The following SCNN1B variants were observed in gnomAD, a reference collection of about 807,000 sequenced individuals.
SCNN1B encodes sodium channel epithelial 1 subunit beta.
SCNN1B carries 46 observed loss-of-function variants against 65.3 expected under a neutral mutation model. That is an observed-to-expected ratio of 0.70 (90% CI 0.56 to 0.90). The LOEUF is 0.90. SCNN1B is among the 40% of genes least tolerant of loss of function. The pLI, the probability that SCNN1B is intolerant of heterozygous loss-of-function variation, is 0.00. For missense variants in SCNN1B, 751 were observed against 830.5 expected (o/e 0.90, Z 1.18); for synonymous variants, 349 against 330.6 (o/e 1.06, Z -0.60).
intron 1 of SCNN1B, among the ~76,000 whole-genome samples, chr16:23,337,942 C>A (rs890543953): frequency 6.6e-6 from 1 of 151,938 alleles, no homozygotes; most frequent in African/African-American, 2.4e-5. Context: ...CCGGGTGGCA[C>A]GCACCTGTAG....
intron 5 of SCNN1B, among the ~76,000 whole-genome samples, chr16:23,368,738 A>G (rs140573510): frequency 2.7e-4 from 41 of 152,334 alleles, no homozygotes; most frequent in African/African-American, 8.9e-4. Flanking sequence ...TGCTCCATAT[A>G]TGCTGAGTAT....
intron 1 of SCNN1B, among the ~76,000 whole-genome samples, chr16:23,279,847 G>C (rs531098878): frequency 6.6e-6 from 1 of 152,242 alleles, no homozygotes; most frequent in Admixed American, 6.5e-5. Context: ...GCAGAGCTCC[G>C]AGCTCTCTCC....
intron 1 of SCNN1B, among the ~76,000 whole-genome samples, chr16:23,347,495 C>T (rs1385843702): frequency 6.6e-6 from 1 of 152,172 alleles, no homozygotes; most frequent in Non-Finnish European, 1.5e-5. Flanking sequence ...TTGATATCAA[C>T]AAGAGTTAAG....
At chr16:23,281,896 T>C (rs1159871485) in intron 1 of SCNN1B, among the ~76,000 whole-genome samples, 3 of 152,122 alleles carry the variant, frequency 2.0e-5, no homozygotes, top group African/African-American at 7.2e-5. Flanking sequence ...GGGATCATAA[T>C]AGTAATACTT....
intron 1 of SCNN1B, among the ~76,000 whole-genome samples, chr16:23,336,138 C>T (rs1414500814): frequency 6.6e-6 from 1 of 152,204 alleles, no homozygotes; most frequent in Non-Finnish European, 1.5e-5. Context: ...TTTCTATTTT[C>T]AGACCTGCCC....
At chr16:23,329,988 C>A (rs1222510171) in intron 1 of SCNN1B, among the ~76,000 whole-genome samples, 1 of 150,770 alleles carries the variant, frequency 6.6e-6, no homozygotes, top group Admixed American at 6.6e-5. Flanking sequence ...GATTGCACCA[C>A]TGCACTCCAG....
intron 1 of SCNN1B, among the ~76,000 whole-genome samples, chr16:23,341,788 A>T (rs901264733): frequency 6.6e-6 from 1 of 152,188 alleles, no homozygotes; most frequent in Non-Finnish European, 1.5e-5. Context: ...ATCACTTCAC[A>T]CCCCATTAAG....
At chr16:23,334,591 C>A (rs1245255499) in intron 1 of SCNN1B, among the ~76,000 whole-genome samples, 3 of 152,232 alleles carry the variant, frequency 2.0e-5, no homozygotes, top group Admixed American at 2.0e-4. Flanking sequence ...TAACCTGCAG[C>A]AGCTGTTCTT....
At chr16:23,351,928 C>T (rs1962318286) in intron 2 of SCNN1B, among the ~76,000 whole-genome samples, 1 of 152,202 alleles carries the variant, frequency 6.6e-6, no homozygotes, top group South Asian at 2.1e-4. Flanking sequence ...GCCCACCAAA[C>T]CCAGATTCTA....
chr16:23,361,592 A>G (rs1031600001), intron 4 of SCNN1B, among the ~76,000 whole-genome samples: 2 of 152,188 alleles, frequency 1.3e-5, no homozygotes, highest in African/African-American at 4.8e-5. Flanking sequence ...GTTGTAATCC[A>G]ATTCCTTGTT....
At chr16:23,370,110 T>G (rs1962752540) in intron 5 of SCNN1B, among the ~76,000 whole-genome samples, 1 of 152,070 alleles carries the variant, frequency 6.6e-6, no homozygotes, top group Admixed American at 6.6e-5. Flanking sequence ...TTTGTATTTT[T>G]TTTTCTCTAT....
At chr16:23,306,798 G>A (rs760319557) in intron 1 of SCNN1B, among the ~76,000 whole-genome samples, 22 of 152,328 alleles carry the variant, frequency 1.4e-4, no homozygotes, top group Non-Finnish European at 3.2e-4. Flanking sequence ...GATGTAGTCT[G>A]TTGTCACTTT....
intron 2 of SCNN1B, among the ~76,000 whole-genome samples, chr16:23,292,275 G>C (rs565259369): frequency 2.7e-5 from 4 of 150,340 alleles, no homozygotes; most frequent in African/African-American, 9.8e-5. Context: ...CTCACTGCAA[G>C]CTCCGCCTAC....
chr16:23,324,695 C>T (rs1002410055), intron 1 of SCNN1B, among the ~76,000 whole-genome samples: 1 of 152,158 alleles, frequency 6.6e-6, no homozygotes, highest in Non-Finnish European at 1.5e-5. Context: ...CCATCCTACC[C>T]CACCCCACAC....
Position 23,348,853 on chromosome 16 carries a change from T to A in SCNN1B, c.254T>A (p.Val85Glu), listed in dbSNP as rs1171799300. ...LSWEVSVSLS[V>E]GFKTMDFPAV... Reference sequence around the variant, plus strand: ...TGGGAGGTCAGCGTCTCCCTCTCCGTAGGCTTCAAGACCATGGACTTCCCT... The same window carrying A: ...TGGGAGGTCAGCGTCTCCCTCTCCGAAGGCTTCAAGACCATGGACTTCCCT... The change falls in exon 2 of 13, where the codon GTA becomes GAA. Residue 85 changes from valine (V) to glutamate (E), a missense_variant. By Grantham distance (121) the Val-to-Glu change is moderately radical. Transcript: ENST00000343070. The surrounding 1 kb of genome is among the most constrained non-coding windows in gnomAD (Gnocchi z 4.5). 1 of 1,614,100 alleles carries A rather than the reference T, an allele frequency of 6.2e-7. No homozygotes were observed. Among genetic ancestry groups the A allele is most frequent in the Admixed American group, 1.7e-5 (1 of 60,010 alleles).
chr16:23,352,604 T>A (rs1477201630), intron 2 of SCNN1B, among the ~76,000 whole-genome samples, 197 bp from the exon 3 acceptor site: 1 of 152,172 alleles, frequency 6.6e-6, no homozygotes, highest in African/African-American at 2.4e-5. Context: ...GCCATGATTG[T>A]AAGTTTCCTG....
chr16:23,377,482 C>A (rs1277508698), intron 10 of SCNN1B, 96 bp downstream of exon 10: 2 of 1,074,934 alleles, frequency 1.9e-6, no homozygotes, highest in Admixed American at 1.8e-5. Context: ...GAAGGGGGTG[C>A]CTTTTTCCCT....
chr16:23,304,100 A>G (rs1487774169), intron 1 of SCNN1B: 1 of 1,535,076 alleles, frequency 6.5e-7, no homozygotes, highest in East Asian at 2.4e-5. Flanking sequence ...AAAAATTTTC[A>G]GGTTGGTTTT....
rs958960357 is a variant in SCNN1B, at chr16:23,281,316, C to T, written n.111-2421C>T. ...GGCGTAGTGGCTGGCACCTGTAATC[C>T]CAGCTATTCCGGAGGCTGAGGCAGG... On this transcript the variant is annotated intron_variant and non_coding_transcript_variant, in intron 1 of 3. Transcript: ENST00000569789. Among the ~76,000 whole-genome samples the T allele has an allele frequency of 5.9e-5, 9 of 152,206 alleles. No homozygotes were observed. The East Asian group carries it at 1.5e-3, about 26-fold the overall frequency.
Sources: gnomAD v4.1 joint callset for allele counts (sites outside exome capture counted in the v4.1 genomes callset) on GRCh38, gnomAD v4.1.1 for gene constraint, Gnocchi (gnomAD v3.1) non-coding constraint, MANE v1.5 for transcripts, NCBI Gene and HGNC (gene_info 2026-07-23, HGNC 2026-07-21) for gene names.